The following PHF13 variants were observed in gnomAD, a reference collection of about 807,000 sequenced individuals.
PHF13 encodes the protein PHD finger protein 13.
Under a neutral mutation model 25.8 loss-of-function variants are expected in PHF13, and 1 was observed. That is an observed-to-expected ratio of 0.04 (90% CI 0.01 to 0.18). PHF13 has a LOEUF of 0.18. Among genes scored for constraint, PHF13 ranks in the 10% least tolerant of loss-of-function variants. The pLI, the probability that PHF13 is intolerant of heterozygous loss-of-function variation, is 1.00. For synonymous variants in PHF13, 195 were observed against 162.4 expected (o/e 1.20, Z -1.53); for missense variants, 306 against 403.2 (o/e 0.76, Z 2.06).
Position 6,614,108 on chromosome 1 carries a change from G to C in PHF13, c.39+3G>C. On this transcript the variant is annotated splice_donor_region_variant and intron_variant, in intron 1 of 3. Transcript: ENST00000377648. ...GCGCCGCCGCCTTCCACCCGGAGGT[G>C]AGTGAAGCTGTGCGTCCGAATCGCC... is the stretch of plus-strand genomic sequence containing the variant. 7 of 1,598,044 alleles carry C rather than the reference G, an allele frequency of 4.4e-6. No individual in the cohort carries two copies. The highest frequency in any genetic ancestry group is 5.1e-6 in the Non-Finnish European group (6 of 1,173,884).
chr1:6,620,110 A>T lies in PHF13; in HGVS notation c.449A>T (p.Glu150Val), dbSNP rs199870194. Residue 150 changes from glutamate to valine, a missense_variant, in exon 3 of 4, where the codon GAG becomes GTG. Glu to Val is a moderately radical substitution (Grantham distance 121, BLOSUM62 -2). Around this residue, in one of 5 missense-constraint regions of PHF13, gnomAD observed 186 missense variants for 164.0 expected, o/e 1.13. Transcript: ENST00000377648. ...CTGGAAGCCGCTGACCCCTACGTGG[A>T]GACCCCCACGAGTCCCACCTTGCAG... ...LKLEAADPYV[E>V]TPTSPTLQDI... 6.2e-7 allele frequency: 1 copy of T among 1,613,590 alleles called. No individual in the cohort carries two copies. Among genetic ancestry groups the T allele is most frequent in the Non-Finnish European group, 8.5e-7 (1 of 1,180,010 alleles).
rs1641355054 is a variant in PHF13, at chr1:6,622,571, C to G, written c.*934C>G. On this transcript the variant is annotated 3_prime_UTR_variant, in exon 4 of 4. Transcript: ENST00000377648. Reference sequence around the variant, plus strand: ...TCACTGGGACCCGCATGGTGTTCCTCCAAAGAATAGGGTAAAGGAGAGCTG... The same window carrying G: ...TCACTGGGACCCGCATGGTGTTCCTGCAAAGAATAGGGTAAAGGAGAGCTG... 1 of 152,312 alleles carries G rather than the reference C, an allele frequency of 6.6e-6. No individual in the cohort carries two copies. The highest frequency in any genetic ancestry group is 2.4e-5 in the African/African-American group (1 of 41,428). The allele number at this position is 152,312 out of a possible 1,614,324, so 9.4% of individuals were successfully genotyped here. A position where few individuals can be genotyped will look rare whatever the true frequency, so the allele number is the denominator to read the frequency against.
intron 1 of PHF13, among the ~76,000 whole-genome samples, chr1:6,614,950 G>A (rs1026498711): frequency 2.6e-5 from 4 of 151,444 alleles, no homozygotes; most frequent in Non-Finnish European, 4.4e-5. Flanking sequence ...TCTCGCTGCC[G>A]CCCCCGGGGG....
At position 6,621,735 on chromosome 1, in the gene PHF13, C is replaced by T. The variant is rs1393809505; in HGVS notation, c.*98C>T. 1.1e-5 allele frequency: 13 copies of T among 1,203,940 alleles called. No homozygotes were observed. Among genetic ancestry groups the T allele is most frequent in the South Asian group, 3.8e-5 (3 of 78,100 alleles). The allele number at this position is 1,203,940 out of a possible 1,614,324, so 74.6% of individuals were successfully genotyped here. A position where few individuals can be genotyped will look rare whatever the true frequency, so the allele number is the denominator to read the frequency against. On this transcript the variant is annotated 3_prime_UTR_variant, in exon 4 of 4. Coordinates refer to ENST00000377648, the MANE Select transcript of PHF13 (RefSeq NM_153812.3). The surrounding 1 kb of genome is among the most constrained non-coding windows in gnomAD (Gnocchi z 4.8). ...GAGCACAGAACCCTCAGCTCTGGTG[C>T]GGGCAGATCCCTGCCATTTAGGTGC... is the stretch of plus-strand genomic sequence containing the variant.
In PHF13 at chr1:6,623,412, G is replaced by T. The variant is rs896262074; in HGVS notation, c.*1775G>T. The T allele has an allele frequency of 1.3e-5, 2 of 152,642 alleles. No individual in the cohort carries two copies. The highest frequency in any genetic ancestry group is 4.8e-5 in the African/African-American group (2 of 41,448). 9.5% of individuals were successfully genotyped at this position (152,642 alleles called of 1,614,324 possible). A position where few individuals can be genotyped will look rare whatever the true frequency, so the allele number is the denominator to read the frequency against. On this transcript the variant is annotated 3_prime_UTR_variant, in exon 4 of 4. Coordinates refer to ENST00000377648, the MANE Select transcript of PHF13 (RefSeq NM_153812.3). Reference sequence around the variant, plus strand: ...GAGGGCAAACAGCCAGGACGCATTGGAGAGGAATTTGCCAAAGATCTACCC... The same window carrying T: ...GAGGGCAAACAGCCAGGACGCATTGTAGAGGAATTTGCCAAAGATCTACCC...
rs997655679 is a variant in PHF13, at chr1:6,623,734, A to C, written c.*2097A>C. 1 of 152,594 alleles carries C rather than the reference A, an allele frequency of 6.6e-6. No individual in the cohort carries two copies. Among genetic ancestry groups the C allele is most frequent in the African/African-American group, 2.4e-5 (1 of 41,422 alleles). The allele number at this position is 152,594 out of a possible 1,614,324, so 9.5% of individuals were successfully genotyped here. A position where few individuals can be genotyped will look rare whatever the true frequency, so the allele number is the denominator to read the frequency against. On this transcript the variant is annotated 3_prime_UTR_variant, in exon 4 of 4. Coordinates refer to ENST00000377648, the MANE Select transcript of PHF13 (RefSeq NM_153812.3). ...TCGGACACCTTGGTTTTTGTGTTAG[A>C]TTGAGCTGGGCAGCTGCAATCAGCT...
chr1:6,622,661 A>G lies in PHF13; in HGVS notation c.*1024A>G, dbSNP rs1641356535. ...TTAGACAGGCTGGCCTGCCGGTTCC[A>G]CAGGGTACAGTTAGGACTTGAGTCT... On this transcript the variant is annotated 3_prime_UTR_variant, in exon 4 of 4. Coordinates refer to ENST00000377648, the MANE Select transcript of PHF13 (RefSeq NM_153812.3). The G allele has an allele frequency of 6.6e-6, 1 of 151,852 alleles. No individual in the cohort carries two copies. The highest frequency in any genetic ancestry group is 1.5e-5 in the Non-Finnish European group (1 of 68,046). The allele number at this position is 151,852 out of a possible 1,614,324, so 9.4% of individuals were successfully genotyped here.
At chr1:6,614,228 C>A in intron 1 of PHF13, 123 bp downstream of exon 1, 1 of 745,408 alleles carries the variant, frequency 1.3e-6, no homozygotes, top group Non-Finnish European at 2.2e-6. Context: ...TTCCCCTCGT[C>A]GGCCCCCCCG....
Position 6,621,984 on chromosome 1 carries a change from CT to C in PHF13, c.*348del. 2.7e-6 allele frequency: 1 copy of C among 375,514 alleles called. No individual in the cohort carries two copies. Among genetic ancestry groups the C allele is most frequent in the Non-Finnish European group, 5.1e-6 (1 of 195,880 alleles). 23.3% of individuals were successfully genotyped at this position (375,514 alleles called of 1,614,324 possible). On this transcript the variant is annotated 3_prime_UTR_variant, in exon 4 of 4. Coordinates refer to ENST00000377648, the MANE Select transcript of PHF13 (RefSeq NM_153812.3). This position sits in a 1 kb window ranked among gnomAD's most constrained non-coding sequence, Gnocchi z 4.8. ...TCCCGCTGATTGGGCTCAGTGCCAG[CT>C]GTTATTCTGCTTCCACTGTGTTGGG...
intron 1 of PHF13, among the ~76,000 whole-genome samples, chr1:6,616,129 C>A (rs188711199): frequency 1.4e-5 from 2 of 147,092 alleles, no homozygotes; most frequent in African/African-American, 2.5e-5. Context: ...TCCGGGTTCA[C>A]GCGATTCTCC....
rs775926722 is a variant in PHF13 at position 6,614,118 on chromosome 1, G to C, written c.39+13G>C. On this transcript the variant is annotated intron_variant, in intron 1 of 3. Transcript: ENST00000377648. ...CTTCCACCCGGAGGTGAGTGAAGCT[G>C]TGCGTCCGAATCGCCCCCGACCACC... 6 of 1,596,930 alleles carry C rather than the reference G, an allele frequency of 3.8e-6. No homozygotes were observed. The Admixed American group carries it at 5.1e-5, about 14-fold the overall frequency.
Position 6,622,147 on chromosome 1 carries a change from T to C in PHF13, c.*510T>C, listed in dbSNP as rs1641348750. On this transcript the variant is annotated 3_prime_UTR_variant, in exon 4 of 4. Coordinates refer to ENST00000377648, the MANE Select transcript of PHF13 (RefSeq NM_153812.3). ...CCTACTTAGTGGCTTGCCCTCTGCC[T>C]GCCTCAGCTGCTGCCTGACCGGCTG... is the stretch of plus-strand genomic sequence containing the variant. The C allele has an allele frequency of 1.7e-5, 3 of 172,554 alleles. No individual in the cohort carries two copies. In the South Asian group the frequency reaches 4.1e-4, roughly 23 times the overall value. The allele number at this position is 172,554 out of a possible 1,614,324, so 10.7% of individuals were successfully genotyped here.
intron 2 of PHF13, among the ~76,000 whole-genome samples, chr1:6,618,087 C>T (rs1641287098): frequency 6.6e-6 from 1 of 151,980 alleles, no homozygotes; most frequent in Non-Finnish European, 1.5e-5. Context: ...GGCTGTGGTG[C>T]TCAGACTTCA....
Position 6,622,054 on chromosome 1 carries a change from G to A in PHF13, c.*417G>A, listed in dbSNP as rs566524657. The A allele has an allele frequency of 6.3e-5, 16 of 255,222 alleles. No homozygotes were observed. The South Asian group carries it at 6.6e-4, about 10-fold the overall frequency. 15.8% of individuals were successfully genotyped at this position (255,222 alleles called of 1,614,324 possible). ...CCAGCCTGTTAATGAACAGCCATAC[G>A]TGTAAGCTTTTTCTTGAGTGTTAAG... On this transcript the variant is annotated 3_prime_UTR_variant, in exon 4 of 4. Coordinates refer to ENST00000377648, the MANE Select transcript of PHF13 (RefSeq NM_153812.3).
At chr1:6,614,945 C>G (rs1446457057) in intron 1 of PHF13, among the ~76,000 whole-genome samples, 17 of 150,978 alleles carry the variant, frequency 1.1e-4, no homozygotes, top group Admixed American at 1.1e-3. Context: ...GCCGGTCTCG[C>G]TGCCGCCCCC....
intron 1 of PHF13, among the ~76,000 whole-genome samples, chr1:6,614,785 G>A (rs993399202): frequency 6.6e-6 from 1 of 151,086 alleles, no homozygotes; most frequent in Non-Finnish European, 1.5e-5. Flanking sequence ...CTCCGCCCCG[G>A]CTCACTCCCC....
Position 6,619,897 on chromosome 1 carries a change from C to T in PHF13, c.236C>T (p.Ser79Phe). 6.2e-7 allele frequency: 1 copy of T among 1,613,968 alleles called. No individual in the cohort carries two copies. The highest frequency in any genetic ancestry group is 1.3e-5 in the African/African-American group (1 of 75,016). Residue 79 changes from serine (S) to phenylalanine (F), a missense_variant, in exon 3 of 4, where the codon TCC (serine) becomes TTC (phenylalanine). Physicochemically the swap from Ser to Phe is radical, Grantham distance 155. Coordinates refer to ENST00000377648, the MANE Select transcript of PHF13 (RefSeq NM_153812.3). The part of the protein sequence containing the change: ...GWDAGFSDIA[S>F]SVPLPVSDRC... ...GACGCGGGTTTCTCAGACATCGCGT[C>T]CTCAGTGCCCTTGCCAGTCTCTGAC...
In PHF13 at chr1:6,621,350, A is replaced by T; in HGVS notation, c.677-61A>T. ...GAGTTAATGGGTTTCATGGAAGCCC[A>T]GCTGATGGCGAGGAATGATGGGAAT... On this transcript the variant is annotated intron_variant, in intron 3 of 3. Transcript: ENST00000377648. The surrounding 1 kb of genome is among the most constrained non-coding windows in gnomAD (Gnocchi z 4.8). 6.4e-7 allele frequency: 1 copy of T among 1,555,522 alleles called. No individual in the cohort carries two copies. The highest frequency in any genetic ancestry group is 8.8e-7 in the Non-Finnish European group (1 of 1,132,242).
In PHF13 at chr1:6,623,263, A is replaced by T. The variant is rs1641372946; in HGVS notation, c.*1626A>T. On this transcript the variant is annotated 3_prime_UTR_variant, in exon 4 of 4. Coordinates refer to ENST00000377648, the MANE Select transcript of PHF13 (RefSeq NM_153812.3). ...ACTTGTCCAACCGTCTTATTTTTTT[A>T]AAAGTTCTGTTGCTTGTATTAACAC... is the stretch of plus-strand genomic sequence containing the variant. The T allele has an allele frequency of 6.6e-6, 1 of 152,424 alleles. No individual in the cohort carries two copies. Among genetic ancestry groups the T allele is most frequent in the Non-Finnish European group, 1.5e-5 (1 of 68,028 alleles). 9.4% of individuals were successfully genotyped at this position (152,424 alleles called of 1,614,324 possible).
Sources: gnomAD v4.1 joint callset for allele counts (sites outside exome capture counted in the v4.1 genomes callset) on GRCh38, gnomAD v4.1.1 for gene constraint, gnomAD v4.1.1 regional missense constraint, Gnocchi (gnomAD v3.1) non-coding constraint, MANE v1.5 for transcripts, NCBI Gene and HGNC (gene_info 2026-07-23, HGNC 2026-07-21) for gene names.